NAV3: variants seen among roughly 807,000 people sequenced by gnomAD.
NAV3 encodes neuron navigator 3, also known as pore membrane and/or filament interacting like protein 1.
A neutral mutation model predicts 244.7 loss-of-function variants in NAV3; 87 were observed. The observed-to-expected ratio is 0.36, with a 90% CI of 0.30 to 0.42. The LOEUF is 0.42. Among genes scored for constraint, NAV3 ranks in the 20% least tolerant of loss-of-function variants. The probability of loss-of-function intolerance (pLI) is 1.00; values close to 1 mark genes in which losing one functional copy is unlikely to be tolerated. For synonymous variants in NAV3, 1,126 were observed against 1,042.2 expected, an observed-to-expected ratio of 1.08 and a Z score of -1.55; for missense variants, 2,663 against 2,893.3, an observed-to-expected ratio of 0.92 and a Z score of 1.83.
intron 2 of NAV3, among the ~76,000 whole-genome samples, chr12:77,619,848 T>C (rs1276984500): frequency 6.6e-6 from 1 of 151,674 alleles, no homozygotes. Flanking sequence ...GAGAGGGAAA[T>C]TGCACGTTAA....
At chr12:77,966,173 G>A in intron 3 of NAV3, 56 bp from the exon 4 acceptor site, 11 of 1,408,524 alleles carry the variant, frequency 7.8e-6, no homozygotes, top group Non-Finnish European at 1.1e-5. Context: ...TTTGGCACAT[G>A]TATTTGTTAA....
chr12:77,619,254 A>G (rs140752443), intron 2 of NAV3, among the ~76,000 whole-genome samples: 75 of 152,318 alleles, frequency 4.9e-4, no homozygotes, highest in African/African-American at 1.6e-3. Flanking sequence ...TATTAATGCT[A>G]TCGGAAGCCA....
rs372276097 is a variant in NAV3 at position 78,137,336 on chromosome 12, C to T, written c.4601C>T (p.Ser1534Leu). Residue 1534 changes from serine (S) to leucine (L), a missense_variant, in exon 19 of 40, where the codon TCG becomes TTG. Ser to Leu is a moderately radical substitution (Grantham distance 145, BLOSUM62 -2). Around this residue, in one of 6 missense-constraint regions of NAV3, gnomAD observed 354 missense variants for 413.0 expected, o/e 0.86. Coordinates refer to ENST00000397909, the MANE Select transcript of NAV3 (RefSeq NM_001024383.2). Reference sequence around the variant, plus strand: ...GAAAGACCTCGTGCCATCAGTCATTCGGGCTCATTCAGAGACAGCATGGAA... The same window carrying T: ...GAAAGACCTCGTGCCATCAGTCATTTGGGCTCATTCAGAGACAGCATGGAA... ...LEERPRAISH[S>L]GSFRDSMEEV... 6 of 1,612,550 alleles carry T rather than the reference C, an allele frequency of 3.7e-6. No individual in the cohort carries two copies. Among genetic ancestry groups the T allele is most frequent in the African/African-American group, 2.7e-5 (2 of 74,950 alleles).
intron 12 of NAV3, among the ~76,000 whole-genome samples, chr12:78,110,545 T>C (rs543217219): frequency 6.6e-6 from 1 of 151,896 alleles, no homozygotes; most frequent in Non-Finnish European, 1.5e-5. Context: ...TGTAACAAAA[T>C]TGAACATGGA....
intron 20 of NAV3, among the ~76,000 whole-genome samples, chr12:78,144,661 T>G (rs899367089): frequency 6.6e-6 from 1 of 151,904 alleles, no homozygotes; most frequent in African/African-American, 2.4e-5. Context: ...GTAACAGGAC[T>G]ATTATAGATT....
intron 2 of NAV3, among the ~76,000 whole-genome samples, chr12:77,765,791 A>T (rs1869720377): frequency 6.6e-6 from 1 of 152,206 alleles, no homozygotes; most frequent in Non-Finnish European, 1.5e-5. Flanking sequence ...AGAAGCCCTG[A>T]AGAATCCAAC....
At chr12:77,759,191 T>C (rs1010421872) in intron 2 of NAV3, among the ~76,000 whole-genome samples, 1 of 152,166 alleles carries the variant, frequency 6.6e-6, no homozygotes, top group African/African-American at 2.4e-5. Flanking sequence ...TGTTTCATTG[T>C]TTTTAATTTA....
At chr12:77,583,979 T>C (rs1491042) in intron 2 of NAV3, among the ~76,000 whole-genome samples, 27,898 of 152,186 alleles carry the variant, frequency 0.18, 2,886 homozygotes, top group Admixed American at 0.25. Flanking sequence ...CCCTTCTGCC[T>C]GGAATACTCA....
intron 9 of NAV3, among the ~76,000 whole-genome samples, chr12:78,041,597 G>A (rs1880871787): frequency 1.3e-5 from 2 of 152,072 alleles, no homozygotes; most frequent in African/African-American, 4.8e-5. Flanking sequence ...CTACTGGAAG[G>A]AGCCATCTCT....
rs34518266 is a variant in NAV3, at chr12:77,723,755, CTTTTTTTTTTTTT to C, written c.72+151500_72+151512del. On this transcript the variant is annotated intron_variant, in intron 2 of 8. Coordinates refer to the NAV3 transcript ENST00000550042. ...AGGAGTTTCTTCTTGGCAATCTTGA[CTTTTTTTTTTTTT>C]TTTTTTTTTTACATATATCTCTATT... 4.0e-3 allele frequency among the ~76,000 whole-genome samples: 273 copies of C among 67,660 alleles called. 5 individuals are homozygous for C. Among genetic ancestry groups the C allele is most frequent in the Non-Finnish European group, 5.6e-3 (214 of 38,464 alleles). The allele number at this position is 67,660 out of a possible 152,430, so 44.4% of individuals were successfully genotyped here. A position where few individuals can be genotyped will look rare whatever the true frequency, so the allele number is the denominator to read the frequency against.
chr12:78,153,935 A>G (rs543350761), intron 22 of NAV3, among the ~76,000 whole-genome samples: 114 of 151,342 alleles, frequency 7.5e-4, no homozygotes, highest in African/African-American at 2.6e-3. Context: ...GTGAAACTTT[A>G]TGTTGCAGAA....
chr12:78,055,571 C>A (rs966011507), intron 11 of NAV3, among the ~76,000 whole-genome samples: 1 of 152,188 alleles, frequency 6.6e-6, no homozygotes, highest in South Asian at 2.1e-4. Flanking sequence ...CTGGGGAATG[C>A]ACTCCATGTA....
At chr12:77,927,206 T>C (rs1888307044) in intron 1 of NAV3, among the ~76,000 whole-genome samples, 3 of 152,256 alleles carry the variant, frequency 2.0e-5, no homozygotes, top group African/African-American at 7.2e-5. Context: ...GCTAATATTG[T>C]CACCAGCATT....
intron 9 of NAV3, among the ~76,000 whole-genome samples, chr12:78,034,075 A>G (rs963548800): frequency 6.6e-6 from 1 of 152,334 alleles, no homozygotes; most frequent in South Asian, 2.1e-4. Flanking sequence ...AAGTTTCTAA[A>G]CCATTTGTAA....
At chr12:78,187,385 C>T (rs998561893) in intron 31 of NAV3, among the ~76,000 whole-genome samples, 1 of 151,844 alleles carries the variant, frequency 6.6e-6, no homozygotes, top group Non-Finnish European at 1.5e-5. Flanking sequence ...TGATAACATA[C>T]TTGGTGACTA....
At chr12:78,194,203 A>G (rs1959102985) in intron 34 of NAV3, among the ~76,000 whole-genome samples, 1 of 151,950 alleles carries the variant, frequency 6.6e-6, no homozygotes, top group African/African-American at 2.4e-5. Context: ...CACCTACTAA[A>G]TATACCTGTT....
At position 77,873,744 on chromosome 12, in the gene NAV3, GTATA is replaced by G. The variant is rs556787799; in HGVS notation, c.243+42060_243+42063del. The stretch of plus-strand genomic sequence containing the variant: ...CTTATCTAAATACATATGTGTGTGT[GTATA>G]TATATATATATATATATATGTATAT... On this transcript the variant is annotated intron_variant, in intron 1 of 39. Coordinates refer to ENST00000397909, the MANE Select transcript of NAV3 (RefSeq NM_001024383.2). Among the ~76,000 whole-genome samples the G allele has an allele frequency of 7.7e-4, 56 of 73,182 alleles. 4 individuals are homozygous for G. Among genetic ancestry groups the G allele is most frequent in the African/African-American group, 1.7e-3 (39 of 22,314 alleles). 48.0% of individuals were successfully genotyped at this position (73,182 alleles called of 152,430 possible).
chr12:77,654,166 G>A (rs138514896), intron 2 of NAV3, among the ~76,000 whole-genome samples: 3,844 of 152,250 alleles, frequency 0.025, 98 homozygotes, highest in East Asian at 0.031. Flanking sequence ...CCTCACTCGG[G>A]ACGTGCAAGG....
chr12:77,894,040 G>T (rs1402155130), intron 1 of NAV3, among the ~76,000 whole-genome samples: 1 of 152,054 alleles, frequency 6.6e-6, no homozygotes, highest in Admixed American at 6.6e-5. Context: ...CCCTTACCTG[G>T]TTTCCTCTTT....
Sources: gnomAD v4.1 joint callset for allele counts (sites outside exome capture counted in the v4.1 genomes callset) on GRCh38, gnomAD v4.1.1 for gene constraint, gnomAD v4.1.1 regional missense constraint, MANE v1.5 for transcripts, NCBI Gene and HGNC (gene_info 2026-07-23, HGNC 2026-07-21) for gene names.